The following PRIM2 variants were observed in gnomAD, a reference collection of about 807,000 sequenced individuals.
PRIM2 encodes DNA primase large subunit.
A neutral mutation model predicts 67.3 loss-of-function variants in PRIM2; 39 were observed. The observed-to-expected ratio is 0.58, with a 90% confidence interval of 0.45 to 0.76. The LOEUF is 0.76. PRIM2 is among the 30% of genes least tolerant of loss of function. The pLI, the probability that PRIM2 is intolerant of heterozygous loss-of-function variation, is 0.00. For synonymous variants in PRIM2, 143 were observed against 198.7 expected (o/e 0.72, Z 2.36); for missense variants, 398 against 598.7 (o/e 0.66, Z 3.50).
At chr6:57,475,011 C>T (rs1368103582) in intron 7 of PRIM2, among the ~76,000 whole-genome samples, 8 of 152,220 alleles carry the variant, frequency 5.3e-5, no homozygotes, top group East Asian at 3.9e-4. Flanking sequence ...CTCTGGGCAT[C>T]GTTTATTTGC....
the PRIM2 span, among the ~76,000 whole-genome samples, chr6:57,270,356 A>T: frequency 6.6e-6 from 1 of 152,114 alleles, no homozygotes; most frequent in Non-Finnish European, 1.5e-5. Context: ...TGTCCCTTGT[A>T]AGTTGGATTC....
chr6:57,233,520 T>A, the PRIM2 span, among the ~76,000 whole-genome samples: 4 of 152,166 alleles, frequency 2.6e-5, no homozygotes, highest in Non-Finnish European at 1.5e-5. Flanking sequence ...GTCTACCCTC[T>A]CCGTATGCAC....
intron 8 of PRIM2, among the ~76,000 whole-genome samples, chr6:57,525,656 C>G (rs1379737348): frequency 2.0e-5 from 3 of 152,216 alleles, no homozygotes; most frequent in African/African-American, 7.2e-5. Flanking sequence ...GTTTCTAAAG[C>G]ATAACTCTCT....
Position 57,606,326 on chromosome 6 carries a change from T to C in PRIM2, c.1148-49T>C, listed in dbSNP as rs1420316788. ...CTCTCGAGTGTGGTGTTGTACTAAG[T>C]TGTGGATAAATAACCTTGTTTGTGT... On this transcript the variant is annotated intron_variant, in intron 11 of 13. Transcript: ENST00000615550. 3 of 1,496,014 alleles carry C rather than the reference T, an allele frequency of 2.0e-6. No individual in the cohort carries two copies. The Admixed American group carries it at 5.5e-5, about 28-fold the overall frequency. The allele number at this position is 1,496,014 out of a possible 1,614,324, so 92.7% of individuals were successfully genotyped here. A position where few individuals can be genotyped will look rare whatever the true frequency, so the allele number is the denominator to read the frequency against.
intron 7 of PRIM2, among the ~76,000 whole-genome samples, chr6:57,486,901 T>C (rs1392227760): frequency 2.0e-5 from 3 of 152,210 alleles, no homozygotes; most frequent in Non-Finnish European, 2.9e-5. Context: ...TCCCCTTACA[T>C]AGAGTGTACA....
At chr6:57,316,423 G>A (rs932441593), upstream of PRIM2, among the ~76,000 whole-genome samples, 4 of 152,294 alleles carry the variant, frequency 2.6e-5, no homozygotes, top group Non-Finnish European at 4.4e-5. Context: ...GGTATTGGTG[G>A]TGGGTCGGGG....
At position 57,411,734 on chromosome 6, in the gene PRIM2, T is replaced by A. The variant is rs1771095061; in HGVS notation, c.693+29566T>A. On this transcript the variant is annotated intron_variant, in intron 7 of 13. Transcript: ENST00000615550. The stretch of plus-strand genomic sequence containing the variant: ...ACCTTTTTTTATATATTACTGAATT[T>A]TTGCTTTACTGCCAATGAGGGATGT... Among the ~76,000 whole-genome samples the A allele has an allele frequency of 2.6e-5, 4 of 152,348 alleles. No homozygotes were observed. The South Asian group carries it at 8.3e-4, about 32-fold the overall frequency.
At chr6:57,633,258 A>G (rs1777064248) in intron 13 of PRIM2, among the ~76,000 whole-genome samples, 1 of 152,204 alleles carries the variant, frequency 6.6e-6, no homozygotes, top group Non-Finnish European at 1.5e-5. Flanking sequence ...AACCTGGGAA[A>G]GACATCCAAG....
At chr6:57,554,316 G>T (rs1775465213) in intron 10 of PRIM2, among the ~76,000 whole-genome samples, 1 of 146,306 alleles carries the variant, frequency 6.8e-6, no homozygotes, top group Admixed American at 6.9e-5. Flanking sequence ...TTTTTTAAAA[G>T]ATAATTTTAA....
chr6:57,630,675 TC>T (rs1777024429), intron 12 of PRIM2, among the ~76,000 whole-genome samples: 1 of 152,160 alleles, frequency 6.6e-6, no homozygotes, highest in African/African-American at 2.4e-5. Context: ...ATTTATGGGA[TC>T]ATCTAAAGCT....
In PRIM2 at chr6:57,363,538, G is replaced by T. The variant is rs570675523; in HGVS notation, c.460-16363G>T. On this transcript the variant is annotated intron_variant, in intron 5 of 13. Coordinates refer to ENST00000615550, the MANE Select transcript of PRIM2 (RefSeq NM_000947.5). The stretch of plus-strand genomic sequence containing the variant: ...TTGCTGGATGTAGAATTCTAGGTTG[G>T]CATGTACTTTCTTTTAGCACATTAA... 1.2e-4 allele frequency among the ~76,000 whole-genome samples: 18 copies of T among 152,194 alleles called. No individual in the cohort carries two copies. In the East Asian group the frequency reaches 3.3e-3, roughly 28 times the overall value.
chr6:57,540,346 G>A (rs1341072721), intron 10 of PRIM2, among the ~76,000 whole-genome samples: 6 of 152,154 alleles, frequency 3.9e-5, no homozygotes, highest in African/African-American at 7.2e-5. Context: ...CTCAAGATCC[G>A]CAGTTGGCAA....
intron 5 of PRIM2, among the ~76,000 whole-genome samples, chr6:57,354,790 G>A (rs1297864507): frequency 6.6e-6 from 1 of 152,218 alleles, no homozygotes; most frequent in East Asian, 1.9e-4. Context: ...AAGACTTGGT[G>A]TATTCAATGT....
chr6:57,359,707 T>C (rs1006757134), intron 5 of PRIM2, among the ~76,000 whole-genome samples: 6 of 152,186 alleles, frequency 3.9e-5, no homozygotes, highest in African/African-American at 1.4e-4. Flanking sequence ...GGAAAGACTA[T>C]ATAAAATGTA....
the PRIM2 span, among the ~76,000 whole-genome samples, chr6:57,269,756 G>T: frequency 2.6e-5 from 4 of 152,022 alleles, no homozygotes; most frequent in East Asian, 5.8e-4. Context: ...GGGTTTTTAC[G>T]GTTTTAGGTC....
the PRIM2 span, among the ~76,000 whole-genome samples, chr6:57,279,989 A>T: frequency 6.6e-6 from 1 of 152,162 alleles, no homozygotes; most frequent in African/African-American, 2.4e-5. Flanking sequence ...TAATAATGAG[A>T]AGGGAAGAGG....
At chr6:57,334,754 A>T (rs1033238064) in intron 5 of PRIM2, among the ~76,000 whole-genome samples, 1 of 152,214 alleles carries the variant, frequency 6.6e-6, no homozygotes, top group Non-Finnish European at 1.5e-5. Context: ...TGCATGGAAT[A>T]TATGCTGGGT....
chr6:57,329,657 C>T (rs543673021), intron 5 of PRIM2, among the ~76,000 whole-genome samples: 37 of 152,172 alleles, frequency 2.4e-4, no homozygotes, highest in East Asian at 9.7e-4. Flanking sequence ...CCTCCCCTGC[C>T]GCCCTGTGAA....
At chr6:57,232,259 TA>T in the PRIM2 span, among the ~76,000 whole-genome samples, 1 of 152,218 alleles carries the variant, frequency 6.6e-6, no homozygotes, top group Non-Finnish European at 1.5e-5. Flanking sequence ...GTTTAAAAAT[TA>T]AAATTTTAGG....
Sources: allele counts gnomAD v4.1 joint callset (sites outside exome capture counted in the v4.1 genomes callset), GRCh38; gene constraint gnomAD v4.1.1; transcripts MANE v1.5; gene names NCBI Gene and HGNC (gene_info 2026-07-23, HGNC 2026-07-21).